PRKAG2: variants seen among roughly 807,000 people sequenced by gnomAD.
PRKAG2 encodes the protein 5'-AMP-activated protein kinase subunit gamma-2.
Under a neutral mutation model 69.6 loss-of-function variants are expected in PRKAG2, and 26 were observed. That is an observed-to-expected ratio of 0.37 (90% CI 0.27 to 0.52). PRKAG2 has a LOEUF of 0.52. PRKAG2 is among the 20% of genes least tolerant of loss of function. The pLI is 0.90. For synonymous variants in PRKAG2, 293 were observed against 285.0 expected (o/e 1.03, Z -0.28); for missense variants, 557 against 740.0 (o/e 0.75, Z 2.87).
At chr7:151,738,564 G>A (rs956338710) in intron 3 of PRKAG2, among the ~76,000 whole-genome samples, 49 of 152,284 alleles carry the variant, frequency 3.2e-4, no homozygotes, top group African/African-American at 8.0e-4. Flanking sequence ...GCGGAAAACC[G>A]CTTAAAGGCA....
intron 3 of PRKAG2, among the ~76,000 whole-genome samples, chr7:151,750,192 C>T (rs1029534326): frequency 1.3e-5 from 2 of 151,746 alleles, no homozygotes; most frequent in Admixed American, 6.6e-5. Context: ...AAACACTGCA[C>T]TGTGGAAAAC....
At chr7:151,819,468 A>G (rs2078718815) in intron 1 of PRKAG2, among the ~76,000 whole-genome samples, 1 of 152,200 alleles carries the variant, frequency 6.6e-6, no homozygotes, top group South Asian at 2.1e-4. Flanking sequence ...TTACCAAAGT[A>G]ACCAGATGTT....
intron 4 of PRKAG2, among the ~76,000 whole-genome samples, chr7:151,652,360 A>G (rs1458118276): frequency 1.3e-5 from 2 of 152,210 alleles, no homozygotes; most frequent in Non-Finnish European, 2.9e-5. Flanking sequence ...ATTCCACCGA[A>G]TTCTTCTAAC....
chr7:151,858,444 T>C (rs369736575), intron 1 of PRKAG2, among the ~76,000 whole-genome samples: 35 of 152,340 alleles, frequency 2.3e-4, no homozygotes, highest in South Asian at 1.0e-3. Flanking sequence ...TCACTTTCGG[T>C]ATCCAGGTGT....
At chr7:151,619,203 T>C (rs1820887460) in intron 5 of PRKAG2, among the ~76,000 whole-genome samples, 1 of 152,180 alleles carries the variant, frequency 6.6e-6, no homozygotes, top group Non-Finnish European at 1.5e-5. Context: ...TTAAAGCATC[T>C]ACCACAGCCA....
At chr7:151,712,680 T>C (rs1795518788) in intron 3 of PRKAG2, among the ~76,000 whole-genome samples, 1 of 152,178 alleles carries the variant, frequency 6.6e-6, no homozygotes, top group Non-Finnish European at 1.5e-5. Context: ...AGGGAGTGCA[T>C]GCAGAGTAAG....
intron 1 of PRKAG2, among the ~76,000 whole-genome samples, chr7:151,868,730 C>T (rs920590658): frequency 6.6e-6 from 1 of 152,176 alleles, no homozygotes; most frequent in South Asian, 2.1e-4. Context: ...CTGTCAGTGT[C>T]TGTGGCTCTA....
intron 1 of PRKAG2, among the ~76,000 whole-genome samples, chr7:151,824,457 G>A (rs933180205): frequency 6.6e-6 from 1 of 152,188 alleles, no homozygotes; most frequent in Non-Finnish European, 1.5e-5. Flanking sequence ...GGTATCGACT[G>A]ATACTTTAAA....
rs372163369 is a variant in PRKAG2, at chr7:151,670,871, T to C, written c.684+4549A>G. Among the ~76,000 whole-genome samples the C allele has an allele frequency of 1.5e-4, 22 of 149,000 alleles. No individual in the cohort carries two copies. The East Asian group carries it at 2.8e-3, about 19-fold the overall frequency. On this transcript the variant is annotated intron_variant, in intron 4 of 15. Transcript: ENST00000287878. ...AATAGGTATTTGCTGAATAAATACA[T>C]GATAAAATGAGTGCTGTTGGCCGCG...
intron 4 of PRKAG2, among the ~76,000 whole-genome samples, chr7:151,674,615 G>A (rs930716808): frequency 3.3e-5 from 5 of 152,122 alleles, no homozygotes; most frequent in Non-Finnish European, 5.9e-5. Context: ...TCGCTGCCTC[G>A]GTCTCAGGAA....
intron 1 of PRKAG2, among the ~76,000 whole-genome samples, chr7:151,795,600 C>A (rs987288298): frequency 6.6e-6 from 1 of 151,974 alleles, no homozygotes; most frequent in Non-Finnish European, 1.5e-5. Context: ...CTGCCGTGGG[C>A]GTATTTGCAG....
chr7:151,581,048 T>C (rs1810349306), intron 6 of PRKAG2, among the ~76,000 whole-genome samples: 1 of 152,104 alleles, frequency 6.6e-6, no homozygotes, highest in Non-Finnish European at 1.5e-5. Flanking sequence ...ATCAAAATAT[T>C]TCATGCACCC....
chr7:151,781,054 A>G lies in PRKAG2; in HGVS notation c.466+98T>C, dbSNP rs998341799. 48 of 1,534,276 alleles carry G rather than the reference A, an allele frequency of 3.1e-5. No homozygotes were observed. The African/African-American group carries it at 6.0e-4, about 19-fold the overall frequency. Reference sequence around the variant, plus strand: ...AGGCACTCAGCACCAAGCTGCTCACAGCCACCTGGCAGCTTCGGTGCCACC... The same window carrying G: ...AGGCACTCAGCACCAAGCTGCTCACGGCCACCTGGCAGCTTCGGTGCCACC... On this transcript the variant is annotated intron_variant, in intron 3 of 15. Transcript: ENST00000287878. The surrounding 1 kb of genome is among the most constrained non-coding windows in gnomAD (Gnocchi z 6.1).
chr7:151,831,438 C>G (rs995565141), intron 1 of PRKAG2, among the ~76,000 whole-genome samples: 3 of 152,098 alleles, frequency 2.0e-5, no homozygotes, highest in Non-Finnish European at 2.9e-5. Context: ...CATGGACGAA[C>G]CTTAAAAATA....
At chr7:151,564,934 T>G (rs1805892916) in intron 13 of PRKAG2, among the ~76,000 whole-genome samples, 1 of 152,110 alleles carries the variant, frequency 6.6e-6, no homozygotes, top group Non-Finnish European at 1.5e-5. Flanking sequence ...GTCAGTCCCC[T>G]TTTCTTCTTT....
In PRKAG2 at chr7:151,719,089, G is replaced by C. The variant is rs767101892; in HGVS notation, c.467-43452C>G. On this transcript the variant is annotated intron_variant, in intron 3 of 15. Transcript: ENST00000287878. The surrounding 1 kb of genome is among the most constrained non-coding windows in gnomAD (Gnocchi z 5.2). ...GCCCCGAACTCAGGGAAATGGAGGG[G>C]ACTGAAGGAGACGTGTGCCACCCTG... Among the ~76,000 whole-genome samples the C allele has an allele frequency of 9.9e-5, 15 of 152,134 alleles. No homozygotes were observed. The highest frequency in any genetic ancestry group is 1.8e-4 in the Non-Finnish European group (12 of 68,030).
chr7:151,595,477 A>G (rs1184424298), intron 5 of PRKAG2, 23 bp from the exon 6 acceptor site: 2 of 1,481,776 alleles, frequency 1.3e-6, no homozygotes, highest in African/African-American at 2.8e-5. Flanking sequence ...AAGGCAAAAC[A>G]TCAGTAATAA....
chr7:151,758,593 C>T (rs1344800265), intron 3 of PRKAG2, among the ~76,000 whole-genome samples: 2 of 152,192 alleles, frequency 1.3e-5, no homozygotes, highest in Non-Finnish European at 2.9e-5. Flanking sequence ...TCCCCAGAGA[C>T]ATGGTGTTCT....
chr7:151,749,062 G>C (rs1021578530), intron 3 of PRKAG2, among the ~76,000 whole-genome samples: 2 of 146,104 alleles, frequency 1.4e-5, no homozygotes, highest in Admixed American at 1.3e-4. Flanking sequence ...CCACGGGCCA[G>C]ATGTCTCCAG....
Sources: gnomAD v4.1 joint callset for allele counts (sites outside exome capture counted in the v4.1 genomes callset) on GRCh38, gnomAD v4.1.1 for gene constraint, Gnocchi (gnomAD v3.1) non-coding constraint, MANE v1.5 for transcripts, NCBI Gene and HGNC (gene_info 2026-07-23, HGNC 2026-07-21) for gene names.